Variants in OPHN1 observed in about 807,000 individuals in gnomAD.
The protein encoded by OPHN1 is oligophrenin-1.
A neutral mutation model predicts 60.7 loss-of-function variants in OPHN1; 11 were observed. The ratio of observed to expected loss-of-function variants is 0.18; its 90% CI spans 0.11 to 0.30. The LOEUF (loss-of-function observed/expected upper bound fraction) is 0.30, where lower values mean the gene tolerates loss of function less well. OPHN1 is among the 10% of genes least tolerant of loss of function. OPHN1 has a pLI of 1.00. For synonymous variants in OPHN1, 226 were observed against 222.6 expected (o/e 1.02, Z -0.14); for missense variants, 449 against 611.0 (o/e 0.73, Z 2.80).
At chrX:68,140,764 G>GA (rs1276365990) in intron 15 of OPHN1, among the ~76,000 whole-genome samples, 13 of 105,775 alleles carry the variant, frequency 1.2e-4, no homozygotes, top group South Asian at 4.2e-4. Flanking sequence ...AGCTGGCAGG[G>GA]AAAAAAAAAA....
At chrX:68,198,563 G>A (rs967850297) in intron 11 of OPHN1, among the ~76,000 whole-genome samples, 6 of 111,556 alleles carry the variant, frequency 5.4e-5, no homozygotes, top group Admixed American at 2.9e-4. Flanking sequence ...CTGGAATTTT[G>A]AGATTAACCA....
intron 2 of OPHN1, among the ~76,000 whole-genome samples, chrX:68,366,409 G>A (rs2078499264): frequency 1.8e-5 from 2 of 110,930 alleles, no homozygotes; most frequent in South Asian, 3.9e-4. Flanking sequence ...GCTCACTGCA[G>A]CTTTGACCTC....
chrX:68,365,988 A>T (rs763787443), intron 2 of OPHN1, among the ~76,000 whole-genome samples: 3 of 110,065 alleles, frequency 2.7e-5, no homozygotes, highest in Non-Finnish European at 3.8e-5. Flanking sequence ...CCAAAAAAAA[A>T]AAACAAATTC....
intron 5 of OPHN1, among the ~76,000 whole-genome samples, chrX:68,266,362 G>T (rs1228098140): frequency 9.0e-6 from 1 of 111,547 alleles, no homozygotes; most frequent in Non-Finnish European, 1.9e-5. Flanking sequence ...AAAGAGAGTG[G>T]GGGCCAATAT....
chrX:68,084,562 T>C (rs969990149), intron 19 of OPHN1, among the ~76,000 whole-genome samples: 2 of 110,273 alleles, frequency 1.8e-5, no homozygotes, highest in African/African-American at 6.6e-5. Context: ...TCAGATTAAA[T>C]GATCTTATTT....
intron 2 of OPHN1, among the ~76,000 whole-genome samples, chrX:68,324,433 T>A (rs2078249308): frequency 9.9e-6 from 1 of 100,849 alleles, no homozygotes; most frequent in African/African-American, 3.9e-5. Context: ...TAAGACTCCG[T>A]CTCTACAAAA....
chrX:68,169,851 C>T (rs1764627523), intron 15 of OPHN1, among the ~76,000 whole-genome samples: 1 of 105,582 alleles, frequency 9.5e-6, no homozygotes, highest in African/African-American at 3.6e-5. Context: ...TAGGCATTAC[C>T]GTTCAGGACA....
At chrX:68,205,372 C>T (rs746244597) in intron 10 of OPHN1, among the ~76,000 whole-genome samples, 2 of 110,933 alleles carry the variant, frequency 1.8e-5, no homozygotes, top group African/African-American at 3.3e-5. Context: ...CGCTTGAACC[C>T]GGGAGGTGGA....
At chrX:68,130,119 A>C (rs1412267299) in intron 15 of OPHN1, among the ~76,000 whole-genome samples, 13 of 112,237 alleles carry the variant, frequency 1.2e-4, no homozygotes, top group Admixed American at 9.5e-4. Flanking sequence ...CAAATGTTAT[A>C]ATCTGTGGAG....
chrX:68,402,905 C>G (rs937934795), intron 2 of OPHN1, among the ~76,000 whole-genome samples: 2 of 111,581 alleles, frequency 1.8e-5, no homozygotes, highest in South Asian at 7.6e-4. Context: ...CATACTCACA[C>G]GTTAAAAGAT....
chrX:68,328,604 T>A (rs2078279827), intron 2 of OPHN1, among the ~76,000 whole-genome samples: 1 of 111,872 alleles, frequency 8.9e-6, no homozygotes. Context: ...AGGATAAAAA[T>A]TAACAGTATA....
At chrX:68,074,631 T>C (rs1385407565) in intron 19 of OPHN1, among the ~76,000 whole-genome samples, 1 of 111,788 alleles carries the variant, frequency 8.9e-6, no homozygotes, top group Non-Finnish European at 1.9e-5. Flanking sequence ...CAGGTCAATA[T>C]ATTTAAAACA....
intron 11 of OPHN1, among the ~76,000 whole-genome samples, chrX:68,201,310 C>T (rs758511897): frequency 2.8e-4 from 31 of 112,192 alleles, no homozygotes; most frequent in Non-Finnish European, 5.4e-4. Context: ...TTCCTTCTTG[C>T]AAGATCACCA....
At chrX:68,228,533 T>C (rs1004774299) in intron 6 of OPHN1, among the ~76,000 whole-genome samples, 1 of 111,602 alleles carries the variant, frequency 9.0e-6, no homozygotes, top group Non-Finnish European at 1.9e-5. Context: ...GCAAACTGAA[T>C]CCAGCAGCAC....
At chrX:68,095,878 T>C (rs889870702) in intron 19 of OPHN1, among the ~76,000 whole-genome samples, 1 of 112,120 alleles carries the variant, frequency 8.9e-6, no homozygotes, top group African/African-American at 3.2e-5. Context: ...ATTTTCTGAC[T>C]CTACCTTTGT....
At chrX:68,282,918 T>C in intron 4 of OPHN1, 138 bp downstream of exon 4, 3 of 489,446 alleles carry the variant, frequency 6.1e-6, no homozygotes, top group Non-Finnish European at 1.1e-5. Flanking sequence ...CCAGATCTAT[T>C]ACCTAACTAT....
chrX:68,158,297 G>A (rs2077319076), intron 15 of OPHN1, among the ~76,000 whole-genome samples: 1 of 112,566 alleles, frequency 8.9e-6, no homozygotes, highest in Non-Finnish European at 1.9e-5. Context: ...TACTGTGGCT[G>A]CAGGGCAGTG....
At chrX:68,355,107 T>C (rs2078433790) in intron 2 of OPHN1, among the ~76,000 whole-genome samples, 1 of 112,074 alleles carries the variant, frequency 8.9e-6, no homozygotes, top group African/African-American at 3.2e-5. Context: ...GCAGAATTCC[T>C]TCATTTGTAC....
At chrX:68,404,931 T>A (rs1479696110) in intron 2 of OPHN1, among the ~76,000 whole-genome samples, 5 of 110,827 alleles carry the variant, frequency 4.5e-5, no homozygotes, top group Non-Finnish European at 9.4e-5. Context: ...AAGGGGGAAT[T>A]AGCATTTAGT....
Sources: allele counts gnomAD v4.1 joint callset (sites outside exome capture counted in the v4.1 genomes callset), GRCh38; gene constraint gnomAD v4.1.1; transcripts MANE v1.5; gene names NCBI Gene and HGNC (gene_info 2026-07-23, HGNC 2026-07-21).